Variants in STAM observed in about 807,000 individuals in gnomAD.
STAM encodes signal transducing adapter molecule 1.
In STAM, 16 loss-of-function variants were observed where a neutral mutation model predicts 63.4. The observed-to-expected ratio is 0.25, with a 90% CI of 0.17 to 0.38. The LOEUF is 0.38. Among genes scored for constraint, STAM ranks in the 10% least tolerant of loss-of-function variants. The pLI, the probability that STAM is intolerant of heterozygous loss-of-function variation, is 1.00. For missense variants in STAM, 636 were observed against 657.1 expected, an observed-to-expected ratio of 0.97 and a Z score of 0.35; for synonymous variants, 238 against 223.9, an observed-to-expected ratio of 1.06 and a Z score of -0.56.
intron 2 of STAM, among the ~76,000 whole-genome samples, chr10:17,676,242 G>A (rs898303079): frequency 9.2e-5 from 14 of 152,168 alleles, no homozygotes; most frequent in Admixed American, 8.5e-4. Context: ...ATTTTTAATA[G>A]TTATGACTTC....
chr10:17,675,666 A>G (rs1834822796), intron 2 of STAM, among the ~76,000 whole-genome samples: 1 of 152,224 alleles, frequency 6.6e-6, no homozygotes, highest in African/African-American at 2.4e-5. Flanking sequence ...TATGAACTTC[A>G]TGAAGCAGGG....
At chr10:17,706,640 A>G (rs1836295502) in intron 12 of STAM, among the ~76,000 whole-genome samples, 7 of 151,938 alleles carry the variant, frequency 4.6e-5, no homozygotes, top group Admixed American at 4.6e-4. Flanking sequence ...CGGCCTCCCA[A>G]AGTGCTGGGA....
At chr10:17,694,473 T>C (rs532471111) in intron 6 of STAM, among the ~76,000 whole-genome samples, 5 of 152,268 alleles carry the variant, frequency 3.3e-5, no homozygotes, top group East Asian at 1.9e-4. Flanking sequence ...TGCACTGATA[T>C]TACATTTCAG....
chr10:17,644,312 C>T lies in STAM; in HGVS notation c.-28C>T. The T allele has an allele frequency of 1.2e-6, 2 of 1,613,992 alleles. No individual in the cohort carries two copies. The highest frequency in any genetic ancestry group is 1.7e-6 in the Non-Finnish European group (2 of 1,179,942). ...ACTCCCGTGCTGTCGAGAGGGAGTC[C>T]CCGGGGACACCTCGGCACGCAGCGG... On this transcript the variant is annotated 5_prime_UTR_variant, in exon 1 of 14. Coordinates refer to ENST00000377524, the MANE Select transcript of STAM (RefSeq NM_003473.4).
chr10:17,672,717 T>C (rs1179495199), intron 2 of STAM, among the ~76,000 whole-genome samples: 5 of 152,146 alleles, frequency 3.3e-5, no homozygotes, highest in African/African-American at 9.7e-5. Flanking sequence ...GGTTCATGAG[T>C]TCTCCAATAG....
Position 17,684,683 on chromosome 10 carries a change from A to C in STAM, c.134A>C (p.Asp45Ala). The change falls in exon 3 of 14, where the codon GAT becomes GCT. Residue 45 changes from aspartate (D) to alanine (A), a missense_variant. Around this residue, in one of 3 missense-constraint regions of STAM, gnomAD observed 87 missense variants for 80.3 expected, o/e 1.08. Coordinates refer to ENST00000377524, the MANE Select transcript of STAM (RefSeq NM_003473.4). ...TTTTCTCATTTTTTTAGACCTAAGG[A>C]TTGTCTTCGGTCTATTATGAGAAGA... Reference protein sequence around the residue: ...KVGQSRTGPKDCLRSIMRRVN... With the variant: ...KVGQSRTGPKACLRSIMRRVN... The C allele has an allele frequency of 6.2e-7, 1 of 1,612,406 alleles. No homozygotes were observed. The highest frequency in any genetic ancestry group is 8.5e-7 in the Non-Finnish European group (1 of 1,179,482).
chr10:17,704,352 G>T (rs1836155657), intron 9 of STAM, 79 bp from the exon 10 acceptor site: 1 of 1,245,828 alleles, frequency 8.0e-7, no homozygotes, highest in South Asian at 1.2e-5. Flanking sequence ...TCAAAAGTTT[G>T]TCTAGTTGAT....
chr10:17,678,207 A>G (rs1004209320), intron 2 of STAM, among the ~76,000 whole-genome samples: 1 of 152,078 alleles, frequency 6.6e-6, no homozygotes, highest in African/African-American at 2.4e-5. Flanking sequence ...TTTCATATAA[A>G]TGGAGCTCTG....
Position 17,672,990 on chromosome 10 carries a change from G to A in STAM, c.126-11685G>A, listed in dbSNP as rs57635058. On this transcript the variant is annotated intron_variant, in intron 2 of 13. Transcript: ENST00000377524. ...CCATCTCAAGATAAGGAAAAGAGAG[G>A]ATGTGTCTTACAAAAAGTTTTAAAA... 3,817 of 982,250 alleles carry A rather than the reference G, an allele frequency of 3.9e-3. 114 individuals carry two copies. The African/African-American group carries it at 0.061, about 16-fold the overall frequency. The allele number at this position is 982,250 out of a possible 1,614,324, so 60.8% of individuals were successfully genotyped here.
chr10:17,686,518 A>T (rs2570288), intron 4 of STAM, among the ~76,000 whole-genome samples: 1 of 151,942 alleles, frequency 6.6e-6, no homozygotes, highest in Non-Finnish European at 1.5e-5. Context: ...CTGGGAATAC[A>T]GGCATGCGCC....
chr10:17,659,535 C>T (rs1210274342), intron 1 of STAM, among the ~76,000 whole-genome samples: 1 of 129,426 alleles, frequency 7.7e-6, no homozygotes, highest in Non-Finnish European at 1.5e-5. Context: ...AGTGTACGAT[C>T]ATAGCTAACT....
rs1287593511 is a variant in STAM at position 17,644,170 on chromosome 10, G to T, written c.-170G>T. 7 of 683,674 alleles carry T rather than the reference G, an allele frequency of 1.0e-5. No homozygotes were observed. Among genetic ancestry groups the T allele is most frequent in the African/African-American group, 3.6e-5 (2 of 55,254 alleles). 42.4% of individuals were successfully genotyped at this position (683,674 alleles called of 1,614,324 possible). A position where few individuals can be genotyped will look rare whatever the true frequency, so the allele number is the denominator to read the frequency against. On this transcript the variant is annotated 5_prime_UTR_variant, in exon 1 of 14. Transcript: ENST00000377524. ...TCGGCTCCTTGCTGTTGCCGCCGCC[G>T]CAGCTGCTGCCGCGGTTGGTGGGGT...
intron 2 of STAM, chr10:17,673,175 C>T (rs983339455): frequency 3.5e-6 from 1 of 286,964 alleles, no homozygotes; most frequent in South Asian, 1.3e-4. Context: ...TATTGCCACC[C>T]GTCTCTTCTC....
At position 17,656,738 on chromosome 10, in the gene STAM, C is replaced by T. The variant is rs141055987; in HGVS notation, c.41-3726C>T. ...GGGTCTGCACCAATCTCAGTTCTTG[C>T]CTCCTCAGAAGAAAGAATTCATCTA... On this transcript the variant is annotated intron_variant, in intron 1 of 13. Coordinates refer to ENST00000377524, the MANE Select transcript of STAM (RefSeq NM_003473.4). Among the ~76,000 whole-genome samples, 17 of 152,190 alleles carry T rather than the reference C, an allele frequency of 1.1e-4. No individual in the cohort carries two copies. The East Asian group carries it at 3.3e-3, about 29-fold the overall frequency.
Position 17,644,179 on chromosome 10 carries a change from G to T in STAM, c.-161G>T, listed in dbSNP as rs782787234. On this transcript the variant is annotated 5_prime_UTR_variant, in exon 1 of 14. Coordinates refer to ENST00000377524, the MANE Select transcript of STAM (RefSeq NM_003473.4). ...TGCTGTTGCCGCCGCCGCAGCTGCT[G>T]CCGCGGTTGGTGGGGTTGGGTGAGA... The T allele has an allele frequency of 2.4e-5, 17 of 721,024 alleles. No homozygotes were observed. The highest frequency in any genetic ancestry group is 3.6e-5 in the African/African-American group (2 of 55,966). The allele number at this position is 721,024 out of a possible 1,614,324, so 44.7% of individuals were successfully genotyped here.
chr10:17,694,046 A>G (rs1835655001), intron 6 of STAM, among the ~76,000 whole-genome samples: 1 of 152,018 alleles, frequency 6.6e-6, no homozygotes, highest in Non-Finnish European at 1.5e-5. Context: ...AGTGAGACTG[A>G]GTTCTTTTTT....
At chr10:17,680,687 G>T (rs1835050580) in intron 2 of STAM, among the ~76,000 whole-genome samples, 1 of 152,122 alleles carries the variant, frequency 6.6e-6, no homozygotes, top group Non-Finnish European at 1.5e-5. Context: ...AATTATAGGT[G>T]CAAGTCACTG....
In STAM at chr10:17,714,538, C is replaced by T; in HGVS notation, c.1386-5C>T. ...ATGTAATTGAGTGTTTTTCTTCCTC[C>T]ACAGTACAATGGTCAGTTCCGTTCA... On this transcript the variant is annotated splice_polypyrimidine_tract_variant and splice_region_variant and intron_variant, in intron 13 of 13. Coordinates refer to ENST00000377524, the MANE Select transcript of STAM (RefSeq NM_003473.4). The T allele has an allele frequency of 6.2e-7, 1 of 1,613,118 alleles. No individual in the cohort carries two copies. The highest frequency in any genetic ancestry group is 2.2e-5 in the East Asian group (1 of 44,874).
At chr10:17,653,318 A>G (rs1354379830) in intron 1 of STAM, among the ~76,000 whole-genome samples, 1 of 152,236 alleles carries the variant, frequency 6.6e-6, no homozygotes. Flanking sequence ...ATTTGTGAAA[A>G]TGCTTTGTGA....
Sources: allele counts gnomAD v4.1 joint callset (sites outside exome capture counted in the v4.1 genomes callset), GRCh38; gene constraint gnomAD v4.1.1; regional missense constraint gnomAD v4.1.1; transcripts MANE v1.5; gene names NCBI Gene and HGNC (gene_info 2026-07-23, HGNC 2026-07-21).